MAP3K3: variants seen among roughly 807,000 people sequenced by gnomAD.
MAP3K3 encodes MAP/ERK kinase kinase 3.
A neutral mutation model predicts 80.9 loss-of-function variants in MAP3K3; 12 were observed. The ratio of observed to expected loss-of-function variants is 0.15; its 90% CI spans 0.10 to 0.24. The LOEUF is 0.24. Ranked by LOEUF, MAP3K3 falls within the 10% of genes least tolerant of loss-of-function variation. The probability of loss-of-function intolerance (pLI) is 1.00; values close to 1 mark genes in which losing one functional copy is unlikely to be tolerated. For synonymous variants in MAP3K3, 272 were observed against 307.1 expected, an observed-to-expected ratio of 0.89 and a Z score of 1.19; for missense variants, 596 against 834.7, an observed-to-expected ratio of 0.71 and a Z score of 3.52.
At position 63,690,323 on chromosome 17, in the gene MAP3K3, A is replaced by G. The variant is rs1175671702; in HGVS notation, c.1123A>G (p.Arg375Gly). 6.2e-7 allele frequency: 1 copy of G among 1,614,212 alleles called. No homozygotes were observed. The highest frequency in any genetic ancestry group is 8.5e-7 in the Non-Finnish European group (1 of 1,180,022). The change falls in exon 12 of 16, where the codon AGG becomes GGG. Residue 375 changes from arginine (R) to glycine (G), a missense_variant. Arg to Gly is a moderately radical substitution (Grantham distance 125). Transcript: ENST00000361733. ...GKLLGQGAFG[R>G]VYLCYDVDTG... ...GCTCCTGGGCCAGGGTGCCTTCGGC[A>G]GGGTCTATTTGTGCTATGACGTGGA...
intron 12 of MAP3K3, chr17:63,690,719 C>T (rs891487055): frequency 4.6e-6 from 2 of 438,312 alleles, no homozygotes; most frequent in East Asian, 4.2e-5. Context: ...TATCTCTCCC[C>T]AGCTCTCAGC....
intron 8 of MAP3K3, 115 bp downstream of exon 8, chr17:63,685,705 A>G: frequency 1.2e-6 from 1 of 811,152 alleles, no homozygotes; most frequent in Non-Finnish European, 2.1e-6. Context: ...CTTCTAGGAA[A>G]AGCCTTCTCC....
intron 6 of MAP3K3, among the ~76,000 whole-genome samples, chr17:63,676,662 T>C (rs916162018): frequency 6.6e-6 from 1 of 152,174 alleles, no homozygotes. Context: ...TTGTGGATTA[T>C]GGAATCAATG....
At chr17:63,682,291 T>C (rs2035355042) in intron 7 of MAP3K3, 1 of 156,670 alleles carries the variant, frequency 6.4e-6, no homozygotes, top group South Asian at 2.0e-4. Flanking sequence ...TGCTGTTTCT[T>C]GATGAAAGGT....
intron 2 of MAP3K3, chr17:63,636,868 G>T: frequency 2.5e-6 from 1 of 393,332 alleles, no homozygotes; most frequent in Non-Finnish European, 5.0e-6. Flanking sequence ...CATCCCGCTG[G>T]ACATCAAGCC....
At chr17:63,651,401 A>G (rs1172473938) in intron 3 of MAP3K3, among the ~76,000 whole-genome samples, 1 of 146,200 alleles carries the variant, frequency 6.8e-6, no homozygotes, top group Non-Finnish European at 1.5e-5. Context: ...TGAGCCCCAG[A>G]GGTTGAAGCT....
intron 2 of MAP3K3, among the ~76,000 whole-genome samples, chr17:63,635,262 T>C (rs184746519): frequency 6.6e-6 from 1 of 152,096 alleles, no homozygotes; most frequent in Non-Finnish European, 1.5e-5. Context: ...TTCATTGGTA[T>C]GTTCATTCCT....
intron 1 of MAP3K3, among the ~76,000 whole-genome samples, chr17:63,624,652 T>G (rs1222779520): frequency 1.3e-5 from 2 of 152,208 alleles, no homozygotes; most frequent in East Asian, 3.8e-4. Flanking sequence ...TCCTGTCAGT[T>G]TTACGTGAAG....
At chr17:63,661,109 C>T (rs1056314915) in intron 5 of MAP3K3, among the ~76,000 whole-genome samples, 2 of 151,836 alleles carry the variant, frequency 1.3e-5, no homozygotes, top group South Asian at 2.1e-4. Flanking sequence ...CACCCAGGTA[C>T]GATCTCAGCT....
intron 2 of MAP3K3, among the ~76,000 whole-genome samples, chr17:63,635,711 C>G (rs896438672): frequency 6.6e-6 from 1 of 152,100 alleles, no homozygotes; most frequent in African/African-American, 2.4e-5. Context: ...CACAGAGTTA[C>G]ACATTTATTA....
chr17:63,676,958 C>T (rs1489882765), intron 6 of MAP3K3, among the ~76,000 whole-genome samples: 1 of 152,204 alleles, frequency 6.6e-6, no homozygotes, highest in South Asian at 2.1e-4. Flanking sequence ...AGCTTTTAGC[C>T]AGTTAGCTTC....
In MAP3K3 at chr17:63,622,720, A is replaced by T; in HGVS notation, c.-40A>T. 2.1e-6 allele frequency: 1 copy of T among 483,756 alleles called. No individual in the cohort carries two copies. The highest frequency in any genetic ancestry group is 4.0e-6 in the Non-Finnish European group (1 of 250,332). The allele number at this position is 483,756 out of a possible 1,614,324, so 30.0% of individuals were successfully genotyped here. ...GCATGCAGCCCCGGCTGCGGAGGTG[A>T]CACTCACGGACCTTAGCCACCGCCG... On this transcript the variant is annotated 5_prime_UTR_variant, in exon 1 of 16. It removes the in-frame stop codon of an upstream open reading frame in the 5' UTR. Transcript: ENST00000361733.
At chr17:63,671,237 C>A (rs188583624) in intron 6 of MAP3K3, among the ~76,000 whole-genome samples, 1 of 151,342 alleles carries the variant, frequency 6.6e-6, no homozygotes, top group African/African-American at 2.4e-5. Flanking sequence ...GATCCTTTGA[C>A]CCTGTGAGTT....
intron 4 of MAP3K3, 85 bp downstream of exon 4, chr17:63,652,741 G>A (rs2034684127): frequency 4.7e-6 from 4 of 859,472 alleles, no homozygotes; most frequent in Non-Finnish European, 7.6e-6. Flanking sequence ...TTTAAAGTTT[G>A]TTCCTCTAAT....
At chr17:63,681,962 G>A in intron 7 of MAP3K3, 63 bp downstream of exon 7, 2 of 1,307,468 alleles carry the variant, frequency 1.5e-6, no homozygotes, top group Non-Finnish European at 2.0e-6. Flanking sequence ...TCATAACAAG[G>A]GGTTCTTAGT....
chr17:63,670,124 CA>C (rs2035074495), intron 6 of MAP3K3, among the ~76,000 whole-genome samples: 1 of 151,512 alleles, frequency 6.6e-6, no homozygotes, highest in Non-Finnish European at 1.5e-5. Context: ...AAGTAATTAC[CA>C]AAGTATCTAC....
intron 1 of MAP3K3, among the ~76,000 whole-genome samples, chr17:63,625,532 T>A (rs954106816): frequency 6.6e-6 from 1 of 152,208 alleles, no homozygotes; most frequent in Non-Finnish European, 1.5e-5. Flanking sequence ...GGATTACAGA[T>A]GATCTGGTTC....
intron 6 of MAP3K3, among the ~76,000 whole-genome samples, chr17:63,672,602 G>C (rs905194729): frequency 9.2e-5 from 14 of 152,302 alleles, no homozygotes; most frequent in African/African-American, 3.1e-4. Flanking sequence ...ATGCACCCAG[G>C]CGAGAGTGCC....
Position 63,652,608 on chromosome 17 carries a change from G to A in MAP3K3, c.219G>A (p.Val73=). ...AATATGAAGATGTGGAGCACAAGGT[G>A]ACAACAGTATTTGGACAACCTCTTG... ...PVKYEDVEHK[V]TTVFGQPLDL... The change falls in exon 4 of 16, where the codon GTG becomes GTA. Residue 73 remains valine (V), a synonymous_variant. Transcript: ENST00000361733. The A allele has an allele frequency of 1.2e-6, 2 of 1,614,050 alleles. No individual in the cohort carries two copies. The highest frequency in any genetic ancestry group is 1.7e-6 in the Non-Finnish European group (2 of 1,179,936).
Sources: gnomAD v4.1 joint callset for allele counts (sites outside exome capture counted in the v4.1 genomes callset) on GRCh38, gnomAD v4.1.1 for gene constraint, MANE v1.5 for transcripts, NCBI Gene and HGNC (gene_info 2026-07-23, HGNC 2026-07-21) for gene names.